EPS15: variants seen among roughly 807,000 people sequenced by gnomAD.
The protein encoded by EPS15 is epidermal growth factor receptor pathway substrate 15.
Under a neutral mutation model 113.8 loss-of-function variants are expected in EPS15, and 72 were observed. The ratio of observed to expected loss-of-function variants is 0.63; its 90% CI spans 0.52 to 0.77. The LOEUF (loss-of-function observed/expected upper bound fraction) is 0.77, where lower values mean the gene tolerates loss of function less well. EPS15 is among the 30% of genes least tolerant of loss of function. The probability of loss-of-function intolerance (pLI) is 0.00; values close to 1 mark genes in which losing one functional copy is unlikely to be tolerated. For synonymous variants in EPS15, 344 were observed against 363.4 expected (o/e 0.95, Z 0.61); for missense variants, 1,048 against 1,045.8 (o/e 1.00, Z -0.03).
chr1:51,375,192 AG>A (rs1206971847), intron 21 of EPS15, among the ~76,000 whole-genome samples: 1 of 151,086 alleles, frequency 6.6e-6, no homozygotes, highest in Non-Finnish European at 1.5e-5. Context: ...TAGTAGAGAC[AG>A]GGTTTCACTG....
intron 21 of EPS15, among the ~76,000 whole-genome samples, chr1:51,392,689 T>C (rs1251319241): frequency 6.6e-6 from 1 of 152,260 alleles, no homozygotes; most frequent in Non-Finnish European, 1.5e-5. Flanking sequence ...TCTCTTTCCA[T>C]ATTTACCTGC....
intron 1 of EPS15, among the ~76,000 whole-genome samples, chr1:51,512,115 T>C (rs1644631968): frequency 1.3e-5 from 2 of 152,168 alleles, no homozygotes; most frequent in Admixed American, 6.5e-5. Flanking sequence ...TTCACATTTA[T>C]GTGATAGGAA....
At chr1:51,458,654 T>C (rs1291561119) in intron 8 of EPS15, 1 of 403,640 alleles carries the variant, frequency 2.5e-6, no homozygotes. Flanking sequence ...GAAGAATAAC[T>C]TGAATCCAGG....
At chr1:51,507,284 C>T (rs927720300) in intron 1 of EPS15, among the ~76,000 whole-genome samples, 1 of 152,142 alleles carries the variant, frequency 6.6e-6, no homozygotes, top group African/African-American at 2.4e-5. Context: ...CACATTAGGG[C>T]TTAAACTATA....
intron 1 of EPS15, among the ~76,000 whole-genome samples, chr1:51,490,998 C>T (rs1360554699): frequency 6.6e-6 from 1 of 152,106 alleles, no homozygotes; most frequent in Non-Finnish European, 1.5e-5. Context: ...CTTTTTGCAA[C>T]TTCCCATGAA....
intron 24 of EPS15, among the ~76,000 whole-genome samples, chr1:51,357,138 G>A (rs1413733395): frequency 6.6e-6 from 1 of 151,514 alleles, no homozygotes. Flanking sequence ...CAGCACTTTG[G>A]AGGCTGAGGC....
At chr1:51,443,460 GACTCATGTCAT>G (rs1432441948) in intron 11 of EPS15, among the ~76,000 whole-genome samples, 1 of 151,648 alleles carries the variant, frequency 6.6e-6, no homozygotes, top group Non-Finnish European at 1.5e-5. Context: ...CAACTTAAGG[GACTCATGTCAT>G]ACATCATAAG....
chr1:51,432,298 TTATGTATGTATG>T (rs71063032), intron 12 of EPS15, among the ~76,000 whole-genome samples: 7,206 of 145,966 alleles, frequency 0.049, 293 homozygotes, highest in Middle Eastern at 0.11. Flanking sequence ...GCCACATAGA[TTATGTATGTATG>T]TATGTATGTA....
intron 1 of EPS15, among the ~76,000 whole-genome samples, chr1:51,485,505 A>T (rs1242877549): frequency 6.6e-6 from 1 of 152,182 alleles, no homozygotes; most frequent in Non-Finnish European, 1.5e-5. Flanking sequence ...GGATGGGAGG[A>T]TCACTTGAGC....
intron 16 of EPS15, among the ~76,000 whole-genome samples, chr1:51,405,084 C>T (rs1224997462): frequency 6.6e-6 from 1 of 152,198 alleles, no homozygotes; most frequent in Middle Eastern, 3.2e-3. Context: ...ACTCGCAAAG[C>T]TTTCCCCAAC....
intron 2 of EPS15, among the ~76,000 whole-genome samples, chr1:51,479,271 A>T (rs946376783): frequency 6.6e-6 from 1 of 152,110 alleles, no homozygotes; most frequent in Non-Finnish European, 1.5e-5. Flanking sequence ...TGCTTGCGTC[A>T]CGTAGTTCTC....
chr1:51,488,762 C>G (rs916041564), intron 1 of EPS15, among the ~76,000 whole-genome samples: 1 of 152,116 alleles, frequency 6.6e-6, no homozygotes, highest in African/African-American at 2.4e-5. Context: ...AGTAATAGTA[C>G]CCCTAAGCTT....
In EPS15 at chr1:51,433,561, T is replaced by C. The variant is rs12071823; in HGVS notation, c.1040+6786A>G. 8.1e-3 allele frequency among the ~76,000 whole-genome samples: 1,231 copies of C among 152,276 alleles called. 19 individuals carry two copies. Among genetic ancestry groups the C allele is most frequent in the African/African-American group, 0.028 (1,164 of 41,552 alleles). ...GAGAATCTACTGGGAGAGAAGGAAA[T>C]TGAGTGCTCTCTGAGCTGAGGTAGA... is the stretch of plus-strand genomic sequence containing the variant. On this transcript the variant is annotated intron_variant, in intron 12 of 24. Coordinates refer to ENST00000371733, the MANE Select transcript of EPS15 (RefSeq NM_001981.3).
intron 23 of EPS15, among the ~76,000 whole-genome samples, chr1:51,362,453 A>C (rs1259922502): frequency 1.3e-5 from 2 of 152,240 alleles, no homozygotes; most frequent in African/African-American, 2.4e-5. Context: ...AGATTGAGCA[A>C]AAACACTAGC....
chr1:51,452,310 G>C (rs1046563598), intron 8 of EPS15, among the ~76,000 whole-genome samples: 1 of 151,558 alleles, frequency 6.6e-6, no homozygotes, highest in African/African-American at 2.4e-5. Flanking sequence ...ATTGACAAAG[G>C]CTCACTCTGT....
intron 1 of EPS15, among the ~76,000 whole-genome samples, chr1:51,508,344 GAAAGAAAGAA>G (rs1644555352): frequency 7.7e-6 from 1 of 129,548 alleles, no homozygotes; most frequent in African/African-American, 3.0e-5. Flanking sequence ...AAGAGAGAAA[GAAAGAAAGAA>G]AGAAAGAAAG....
At chr1:51,386,725 G>C (rs1647085575) in intron 21 of EPS15, among the ~76,000 whole-genome samples, 1 of 152,188 alleles carries the variant, frequency 6.6e-6, no homozygotes, top group Non-Finnish European at 1.5e-5. Flanking sequence ...ATCAGTGATG[G>C]AAGATGAAAT....
intron 8 of EPS15, among the ~76,000 whole-genome samples, chr1:51,451,415 TG>T (rs1223152663): frequency 1.4e-5 from 2 of 140,884 alleles, no homozygotes; most frequent in Non-Finnish European, 3.0e-5. Flanking sequence ...TGATTGACCT[TG>T]GGAGGTGGAG....
intron 1 of EPS15, among the ~76,000 whole-genome samples, chr1:51,503,665 G>T (rs1435319668): frequency 1.3e-5 from 2 of 151,962 alleles, no homozygotes; most frequent in African/African-American, 2.4e-5. Context: ...AAAAAGCAAA[G>T]TTAGAGGACT....
Sources: allele counts gnomAD v4.1 joint callset (sites outside exome capture counted in the v4.1 genomes callset), GRCh38; gene constraint gnomAD v4.1.1; transcripts MANE v1.5; gene names NCBI Gene and HGNC (gene_info 2026-07-23, HGNC 2026-07-21).